Variants in GNAZ observed in about 807,000 individuals in gnomAD.
GNAZ encodes the protein guanine nucleotide-binding protein G(z) subunit alpha.
A neutral mutation model predicts 25.4 loss-of-function variants in GNAZ; 3 were observed. The ratio of observed to expected loss-of-function variants is 0.12; its 90% confidence interval spans 0.05 to 0.30. The LOEUF (loss-of-function observed/expected upper bound fraction) is 0.30. GNAZ is among the 10% of genes least tolerant of loss of function. The probability of loss-of-function intolerance (pLI) is 1.00; values close to 1 mark genes in which losing one functional copy is unlikely to be tolerated. For missense variants in GNAZ, 241 were observed against 501.8 expected (o/e 0.48, Z 4.97); for synonymous variants, 211 against 205.7 (o/e 1.03, Z -0.22).
At chr22:23,109,699 C>T (rs2069589456) in intron 2 of GNAZ, among the ~76,000 whole-genome samples, 1 of 152,224 alleles carries the variant, frequency 6.6e-6, no homozygotes, top group Non-Finnish European at 1.5e-5. Context: ...CTCAGATGCT[C>T]ACAGAACCAC....
chr22:23,124,228 TTG>T lies in GNAZ; in HGVS notation c.*798_*799del. 1.2e-5 allele frequency: 2 copies of T among 164,018 alleles called. No homozygotes were observed. Among genetic ancestry groups the T allele is most frequent in the South Asian group, 1.6e-4 (1 of 6,432 alleles). The allele number at this position is 164,018 out of a possible 1,614,324, so 10.2% of individuals were successfully genotyped here. A position where few individuals can be genotyped will look rare whatever the true frequency, so the allele number is the denominator to read the frequency against. ...TTTGTTTTTTGGTTTTTTTTTTTTT[TTG>T]GCCAAATCTCGTGGTGTTTCGCAGA... On this transcript the variant is annotated 3_prime_UTR_variant, in exon 3 of 3. Coordinates refer to ENST00000615612, the MANE Select transcript of GNAZ (RefSeq NM_002073.4).
intron 1 of GNAZ, among the ~76,000 whole-genome samples, chr22:23,085,489 C>T (rs1329107204): frequency 2.0e-5 from 3 of 152,182 alleles, no homozygotes; most frequent in East Asian, 1.9e-4. Flanking sequence ...CCTGGGCGCA[C>T]GTGCTGGGTG....
At chr22:23,089,513 G>A (rs1029797694) in intron 1 of GNAZ, among the ~76,000 whole-genome samples, 1 of 152,146 alleles carries the variant, frequency 6.6e-6, no homozygotes, top group African/African-American at 2.4e-5. Context: ...TTCCTAGAGT[G>A]GAGGGCATCC....
Position 23,088,084 on chromosome 22 carries a change from A to G in GNAZ, c.-449-7163A>G, listed in dbSNP as rs929696847. 2.6e-5 allele frequency among the ~76,000 whole-genome samples: 4 copies of G among 152,228 alleles called. No individual in the cohort carries two copies. In the East Asian group the frequency reaches 7.7e-4, roughly 29 times the overall value. On this transcript the variant is annotated intron_variant, in intron 1 of 2. Transcript: ENST00000615612. ...CTACACCCAGGAATGAACAAGGACAACTTGGAAGTTAGAAGCAAGATGGAG... is the reference window on the plus strand; with the variant it reads ...CTACACCCAGGAATGAACAAGGACAGCTTGGAAGTTAGAAGCAAGATGGAG...
In GNAZ at chr22:23,095,334, A is replaced by G; in HGVS notation, c.-362A>G. The stretch of plus-strand genomic sequence containing the variant: ...CGGCCCTCCAACCCTCCAGCCACTC[A>G]GCAACATCGCCACAGCAACCAGCAA... On this transcript the variant is annotated 5_prime_UTR_variant, in exon 2 of 3. Coordinates refer to ENST00000615612, the MANE Select transcript of GNAZ (RefSeq NM_002073.4). The G allele has an allele frequency of 3.7e-6, 1 of 269,156 alleles. No individual in the cohort carries two copies. Among genetic ancestry groups the G allele is most frequent in the Non-Finnish European group, 7.2e-6 (1 of 139,454 alleles). The allele number at this position is 269,156 out of a possible 1,614,324, so 16.7% of individuals were successfully genotyped here.
At chr22:23,074,246 G>C (rs1052080598) in intron 1 of GNAZ, among the ~76,000 whole-genome samples, 7 of 152,320 alleles carry the variant, frequency 4.6e-5, no homozygotes, top group South Asian at 2.1e-4. Context: ...AGGCTAGGGT[G>C]GGGTAAGGCT....
Position 23,071,286 on chromosome 22 carries a change from C to A in GNAZ, c.-450+716C>A, listed in dbSNP as rs888037709. Among the ~76,000 whole-genome samples the A allele has an allele frequency of 2.6e-5, 4 of 152,158 alleles. No homozygotes were observed. The highest frequency in any genetic ancestry group is 5.9e-5 in the Non-Finnish European group (4 of 68,026). ...CTGCGGGCGATCCGAGGGGGCTCTG[C>A]CTTTAGGGCGGTGCTGAGCCTTCCT... On this transcript the variant is annotated intron_variant, in intron 1 of 2. Coordinates refer to ENST00000615612, the MANE Select transcript of GNAZ (RefSeq NM_002073.4). The surrounding 1 kb of genome is among the most constrained non-coding windows in gnomAD (Gnocchi z 4.1).
chr22:23,114,149 G>A (rs1432382748), intron 2 of GNAZ, among the ~76,000 whole-genome samples: 1 of 152,196 alleles, frequency 6.6e-6, no homozygotes, highest in Non-Finnish European at 1.5e-5. Context: ...GTCAGGCCTG[G>A]TGGCTCAGCT....
chr22:23,098,329 AG>A (rs762858723), intron 2 of GNAZ, among the ~76,000 whole-genome samples: 29 of 152,342 alleles, frequency 1.9e-4, no homozygotes, highest in Admixed American at 7.2e-4. Context: ...TTTCTGACCT[AG>A]CCCGGCACCT....
intron 2 of GNAZ, among the ~76,000 whole-genome samples, chr22:23,122,074 G>A (rs760196275): frequency 6.6e-6 from 1 of 152,154 alleles, no homozygotes; most frequent in Admixed American, 6.5e-5. Flanking sequence ...AGCCAGATTG[G>A]TTCCAGATTT....
At chr22:23,083,878 T>C (rs1329285527) in intron 1 of GNAZ, among the ~76,000 whole-genome samples, 5 of 152,234 alleles carry the variant, frequency 3.3e-5, no homozygotes. Context: ...GGGATCCTGA[T>C]GCTGCAGTAG....
chr22:23,087,658 ATGGGGG>A (rs765143697), intron 1 of GNAZ, among the ~76,000 whole-genome samples: 2 of 152,282 alleles, frequency 1.3e-5, no homozygotes, highest in Non-Finnish European at 2.9e-5. Context: ...AACTTGGTGG[ATGGGGG>A]GTAGCCAGTG....
At chr22:23,078,929 G>A (rs555938671) in intron 1 of GNAZ, among the ~76,000 whole-genome samples, 6 of 152,334 alleles carry the variant, frequency 3.9e-5, no homozygotes, top group Non-Finnish European at 8.8e-5. Flanking sequence ...GCGTCTACCC[G>A]TGTCCACCCA....
chr22:23,117,777 A>T (rs6003514), intron 2 of GNAZ, among the ~76,000 whole-genome samples: 7 of 152,348 alleles, frequency 4.6e-5, no homozygotes, highest in African/African-American at 1.7e-4. Flanking sequence ...TGCAGCATGC[A>T]CCGGCAGTGA....
intron 1 of GNAZ, among the ~76,000 whole-genome samples, chr22:23,078,275 C>G (rs192806497): frequency 3.9e-5 from 6 of 152,378 alleles, no homozygotes; most frequent in African/African-American, 1.4e-4. Context: ...ATCAAACTCT[C>G]TTTGTCCTCG....
intron 2 of GNAZ, among the ~76,000 whole-genome samples, chr22:23,116,373 C>G (rs759664023): frequency 1.3e-5 from 2 of 152,234 alleles, no homozygotes; most frequent in Non-Finnish European, 2.9e-5. Flanking sequence ...GAGGGGATGA[C>G]GTGGCTACGC....
At chr22:23,076,152 C>G (rs1386654738) in intron 1 of GNAZ, among the ~76,000 whole-genome samples, 1 of 152,178 alleles carries the variant, frequency 6.6e-6, no homozygotes, top group East Asian at 1.9e-4. Flanking sequence ...GGTGGGGCCT[C>G]TATGTAGAAC....
intron 2 of GNAZ, 74 bp from the exon 3 acceptor site, chr22:23,123,013 G>A: frequency 1.0e-6 from 1 of 975,426 alleles, no homozygotes; most frequent in Non-Finnish European, 1.6e-6. Flanking sequence ...GGCTTCCTCT[G>A]GCAGGGCTGC....
intron 1 of GNAZ, among the ~76,000 whole-genome samples, chr22:23,094,152 C>T (rs975154394): frequency 2.0e-5 from 3 of 152,092 alleles, no homozygotes; most frequent in African/African-American, 4.8e-5. Context: ...ATTAAAGGGG[C>T]GAATGCTGCC....
Sources: allele counts gnomAD v4.1 joint callset (sites outside exome capture counted in the v4.1 genomes callset), GRCh38; gene constraint gnomAD v4.1.1; non-coding constraint Gnocchi (gnomAD v3.1); transcripts MANE v1.5; gene names NCBI Gene and HGNC (gene_info 2026-07-23, HGNC 2026-07-21).